SPRR2G: variants seen among roughly 807,000 people sequenced by gnomAD.
SPRR2G encodes small proline rich protein 2G.
SPRR2G carries 1 observed loss-of-function variant against 0.7 expected under a neutral mutation model. That is an observed-to-expected ratio of 1.49 (90% CI 0.53 to 7.06). The LOEUF (loss-of-function observed/expected upper bound fraction) is 7.06, where lower values mean the gene tolerates loss of function less well. SPRR2G is among the 30% of genes most tolerant of loss of function. The pLI, the probability that SPRR2G is intolerant of heterozygous loss-of-function variation, is 0.14. For missense variants in SPRR2G, 96 were observed against 88.5 expected, an observed-to-expected ratio of 1.09 and a Z score of -0.34; for synonymous variants, 38 against 33.9, an observed-to-expected ratio of 1.12 and a Z score of -0.42.
At chr1:153,194,033 T>C in the SPRR2G span, among the ~76,000 whole-genome samples, 21 of 152,260 alleles carry the variant, frequency 1.4e-4, 1 homozygote, top group Non-Finnish European at 2.2e-4. Context: ...AACTTAACTT[T>C]CTTGGATCCC....
At chr1:153,165,199 T>TGGATGGAC in the SPRR2G span, among the ~76,000 whole-genome samples, 7 of 151,000 alleles carry the variant, frequency 4.6e-5, no homozygotes, top group South Asian at 2.1e-4. Context: ...GATGGATGGA[T>TGGATGGAC]GGACGGACGG....
At chr1:153,170,295 T>A in the SPRR2G span, among the ~76,000 whole-genome samples, 1 of 152,092 alleles carries the variant, frequency 6.6e-6, no homozygotes, top group Non-Finnish European at 1.5e-5. Context: ...CTTGAAAAAA[T>A]TACACAAATT....
the SPRR2G span, among the ~76,000 whole-genome samples, chr1:153,194,298 AAC>A: frequency 1.3e-5 from 2 of 152,218 alleles, no homozygotes; most frequent in Non-Finnish European, 2.9e-5. Flanking sequence ...AATATATCAA[AAC>A]ACAGGAAAAT....
At chr1:153,184,261 C>T in the SPRR2G span, among the ~76,000 whole-genome samples, 3 of 152,120 alleles carry the variant, frequency 2.0e-5, no homozygotes, top group Non-Finnish European at 4.4e-5. Context: ...TGAAGAAAAT[C>T]AATGATAGCT....
the SPRR2G span, among the ~76,000 whole-genome samples, chr1:153,184,681 T>C: frequency 6.6e-6 from 1 of 152,220 alleles, no homozygotes; most frequent in Non-Finnish European, 1.5e-5. Context: ...TCTTCCTGTC[T>C]GAATGCCTTT....
the SPRR2G span, among the ~76,000 whole-genome samples, chr1:153,167,043 A>G: frequency 6.6e-6 from 1 of 152,212 alleles, no homozygotes; most frequent in Non-Finnish European, 1.5e-5. Context: ...CCCTGATGCA[A>G]TCTACTTTGA....
Position 153,149,745 on chromosome 1 carries a change from C to G in SPRR2G, c.*144G>C. On this transcript the variant is annotated 3_prime_UTR_variant, in exon 2 of 2. Coordinates refer to ENST00000368748, the MANE Select transcript of SPRR2G (RefSeq NM_001014291.4). The stretch of plus-strand genomic sequence containing the variant: ...AACATATCGGTTTTCAGAACTAAGC[C>G]TTTTCTCTGTCAACGCTCAAGCCAG... 1 of 1,067,668 alleles carries G rather than the reference C, an allele frequency of 9.4e-7. No homozygotes were observed. Among genetic ancestry groups the G allele is most frequent in the Non-Finnish European group, 1.4e-6 (1 of 726,632 alleles). The allele number at this position is 1,067,668 out of a possible 1,614,324, so 66.1% of individuals were successfully genotyped here.
the SPRR2G span, among the ~76,000 whole-genome samples, chr1:153,203,017 C>T: frequency 6.6e-6 from 1 of 152,166 alleles, no homozygotes; most frequent in African/African-American, 2.4e-5. Context: ...TTCAGAATCT[C>T]ACATTAGAAA....
the SPRR2G span, among the ~76,000 whole-genome samples, chr1:153,163,421 C>T: frequency 4.6e-5 from 7 of 152,312 alleles, no homozygotes; most frequent in South Asian, 2.1e-4. Flanking sequence ...AAACATCACA[C>T]GCCTACCTAT....
At chr1:153,198,429 G>T in the SPRR2G span, among the ~76,000 whole-genome samples, 1 of 152,236 alleles carries the variant, frequency 6.6e-6, no homozygotes, top group Admixed American at 6.5e-5. Flanking sequence ...AGGGAGACCT[G>T]TGATGATGAT....
chr1:153,158,349 T>A, the SPRR2G span, among the ~76,000 whole-genome samples: 1 of 152,160 alleles, frequency 6.6e-6, no homozygotes, highest in Admixed American at 6.5e-5. Context: ...GAGCCACAGG[T>A]CCCATGCAAG....
At chr1:153,179,525 A>G in the SPRR2G span, among the ~76,000 whole-genome samples, 1 of 152,138 alleles carries the variant, frequency 6.6e-6, no homozygotes, top group African/African-American at 2.4e-5. Flanking sequence ...TTAAATATAC[A>G]ATATCATCGT....
At chr1:153,163,153 C>A in the SPRR2G span, among the ~76,000 whole-genome samples, 18 of 152,276 alleles carry the variant, frequency 1.2e-4, no homozygotes, top group African/African-American at 4.3e-4. Flanking sequence ...TTGTGACAGA[C>A]AAGACTTGCT....
chr1:153,191,906 A>T, the SPRR2G span, among the ~76,000 whole-genome samples: 1 of 152,180 alleles, frequency 6.6e-6, no homozygotes, highest in Admixed American at 6.5e-5. Flanking sequence ...CCTTTAATTC[A>T]ATAATCATTA....
chr1:153,200,103 T>A, the SPRR2G span, among the ~76,000 whole-genome samples: 1 of 152,190 alleles, frequency 6.6e-6, no homozygotes, highest in Non-Finnish European at 1.5e-5. Context: ...AACCACTGAA[T>A]GGCCCAGTGA....
At chr1:153,202,786 C>T in the SPRR2G span, among the ~76,000 whole-genome samples, 9 of 152,202 alleles carry the variant, frequency 5.9e-5, no homozygotes, top group Non-Finnish European at 8.8e-5. Flanking sequence ...ATGACTGCCA[C>T]GATGAACCTC....
chr1:153,192,425 C>T, the SPRR2G span, among the ~76,000 whole-genome samples: 2 of 152,148 alleles, frequency 1.3e-5, no homozygotes, highest in Admixed American at 1.3e-4. Flanking sequence ...AAAACCACAT[C>T]ATAGTCAATT....
chr1:153,181,092 G>A, the SPRR2G span, among the ~76,000 whole-genome samples: 12 of 151,616 alleles, frequency 7.9e-5, 1 homozygote, highest in African/African-American at 2.7e-4. Flanking sequence ...TTGCAATCTT[G>A]GTGGTGTTTT....
At chr1:153,174,359 A>G in the SPRR2G span, among the ~76,000 whole-genome samples, 469 of 152,346 alleles carry the variant, frequency 3.1e-3, 3 homozygotes, top group African/African-American at 0.01. Context: ...CTCTTGGAAA[A>G]GCCGCAGAAC....
Sources: allele counts gnomAD v4.1 joint callset (sites outside exome capture counted in the v4.1 genomes callset), GRCh38; gene constraint gnomAD v4.1.1; transcripts MANE v1.5; gene names NCBI Gene and HGNC (gene_info 2026-07-23, HGNC 2026-07-21).